The following LMBR1 variants were observed in gnomAD, a reference collection of about 807,000 sequenced individuals.
LMBR1 encodes the protein limb development membrane protein 1.
In LMBR1, 52 loss-of-function variants were observed where a neutral mutation model predicts 73.9. The observed-to-expected ratio is 0.70, with a 90% CI of 0.56 to 0.89. LMBR1 has a LOEUF of 0.89. Among genes scored for constraint, LMBR1 ranks in the 40% least tolerant of loss-of-function variants. The probability of loss-of-function intolerance (pLI) is 0.00; values close to 1 mark genes in which losing one functional copy is unlikely to be tolerated. For missense variants in LMBR1, 539 were observed against 579.8 expected, an observed-to-expected ratio of 0.93 and a Z score of 0.72; for synonymous variants, 215 against 209.4, an observed-to-expected ratio of 1.03 and a Z score of -0.23.
chr7:156,734,920 G>A (rs561879065), intron 9 of LMBR1, among the ~76,000 whole-genome samples: 48 of 152,224 alleles, frequency 3.2e-4, no homozygotes, highest in South Asian at 1.0e-3. Flanking sequence ...TGTTTTACAC[G>A]AATGGGGTCA....
intron 5 of LMBR1, among the ~76,000 whole-genome samples, chr7:156,790,652 G>A (rs1193486445): frequency 6.6e-6 from 1 of 151,674 alleles, no homozygotes; most frequent in Non-Finnish European, 1.5e-5. Flanking sequence ...TTACTTAACA[G>A]TAACAGATAC....
chr7:156,727,221 G>T (rs1174846635), intron 12 of LMBR1, among the ~76,000 whole-genome samples: 1 of 152,156 alleles, frequency 6.6e-6, no homozygotes, highest in Non-Finnish European at 1.5e-5. Context: ...TATCTCAAGA[G>T]AAGCCATGTA....
In LMBR1 at chr7:156,762,140, C is replaced by T. The variant is rs768181095; in HGVS notation, c.678G>A (p.Lys226=). ...MFTVMGQLLV[K]PTILEDLDEQ... is the part of the protein sequence containing the mutation. ...TTTATAATTAAATACTTACTGTTGGCTTCACTAGCAACTGACCCATCACTG... is the reference window on the plus strand; with the variant it reads ...TTTATAATTAAATACTTACTGTTGGTTTCACTAGCAACTGACCCATCACTG... Residue 226 remains lysine, a synonymous_variant, in exon 8 of 17, where the codon AAG becomes AAA. Transcript: ENST00000353442. 3.8e-6 allele frequency: 6 copies of T among 1,592,448 alleles called. No individual in the cohort carries two copies. The East Asian group carries it at 1.3e-4, about 36-fold the overall frequency.
chr7:156,784,214 C>T (rs959815517), intron 5 of LMBR1, among the ~76,000 whole-genome samples: 2 of 152,030 alleles, frequency 1.3e-5, no homozygotes, highest in African/African-American at 2.4e-5. Flanking sequence ...AGTAATACAC[C>T]GAGTTTGGGG....
At chr7:156,846,090 G>A (rs1392142988) in intron 1 of LMBR1, among the ~76,000 whole-genome samples, 1 of 151,970 alleles carries the variant, frequency 6.6e-6, no homozygotes, top group African/African-American at 2.4e-5. Context: ...GCAACCTAGA[G>A]AGACCCCATC....
At chr7:156,676,245 G>GTGTGTA (rs57844131), downstream of LMBR1, 45 of 1,506,420 alleles carry the variant, frequency 3.0e-5, 1 homozygote, top group African/African-American at 4.1e-4. Flanking sequence ...ATATGTGTGT[G>GTGTGTA]TATATATATA....
rs776758846 is a variant in LMBR1 at position 156,796,511 on chromosome 7, GA to G, written c.320-20del. On this transcript the variant is annotated intron_variant, in intron 4 of 16. Coordinates refer to ENST00000353442, the MANE Select transcript of LMBR1 (RefSeq NM_022458.4). The stretch of plus-strand genomic sequence containing the variant: ...CACAAACCTATAAAAAGGGTAACAA[GA>G]AAAGAAGAAAAACAGGTTAGATATT... The G allele has an allele frequency of 2.0e-6, 3 of 1,505,878 alleles. No individual in the cohort carries two copies. 93.3% of individuals were successfully genotyped at this position (1,505,878 alleles called of 1,614,324 possible).
chr7:156,780,300 T>C (rs1482764010), intron 5 of LMBR1, among the ~76,000 whole-genome samples: 3 of 152,158 alleles, frequency 2.0e-5, no homozygotes, highest in African/African-American at 7.2e-5. Context: ...TGGGGTAAGC[T>C]AAAATAAAAA....
intron 15 of LMBR1, among the ~76,000 whole-genome samples, chr7:156,710,054 G>A (rs571638174): frequency 1.3e-5 from 2 of 151,868 alleles, no homozygotes; most frequent in East Asian, 1.9e-4. Context: ...ACAGGCGCCC[G>A]CCACCATGCC....
chr7:156,765,326 T>G (rs1266620304), intron 5 of LMBR1, among the ~76,000 whole-genome samples: 1 of 152,164 alleles, frequency 6.6e-6, no homozygotes, highest in Non-Finnish European at 1.5e-5. Flanking sequence ...TGAGTTCTCA[T>G]GAGATCTGAT....
chr7:156,820,729 G>C (rs535272585), intron 4 of LMBR1, among the ~76,000 whole-genome samples: 1 of 152,184 alleles, frequency 6.6e-6, no homozygotes, highest in Admixed American at 6.5e-5. Context: ...TCTCATTTGC[G>C]TGTGTTGCTC....
At chr7:156,882,300 C>G (rs146457122) in intron 1 of LMBR1, among the ~76,000 whole-genome samples, 1 of 152,192 alleles carries the variant, frequency 6.6e-6, no homozygotes, top group African/African-American at 2.4e-5. Context: ...AAAAAATTAG[C>G]CAGGCATGGC....
intron 15 of LMBR1, among the ~76,000 whole-genome samples, chr7:156,694,606 C>A (rs1433164239): frequency 1.3e-5 from 2 of 152,126 alleles, no homozygotes; most frequent in South Asian, 4.1e-4. Context: ...AAAAATCCAT[C>A]CAAATAGGCA....
At chr7:156,859,692 G>A (rs886470608) in intron 1 of LMBR1, among the ~76,000 whole-genome samples, 2 of 152,096 alleles carry the variant, frequency 1.3e-5, no homozygotes, top group South Asian at 4.2e-4. Flanking sequence ...TTCACAGAAG[G>A]AAGATTTGCT....
chr7:156,724,732 A>T (rs1815331182), intron 14 of LMBR1, among the ~76,000 whole-genome samples: 1 of 151,732 alleles, frequency 6.6e-6, no homozygotes, highest in Admixed American at 6.6e-5. Flanking sequence ...GATACTAAAT[A>T]TCTCAACTAC....
At chr7:156,705,228 G>GA (rs912872350) in intron 15 of LMBR1, among the ~76,000 whole-genome samples, 10 of 151,926 alleles carry the variant, frequency 6.6e-5, no homozygotes, top group Non-Finnish European at 1.2e-4. Context: ...TTATAGGCCA[G>GA]AAAAAAAATG....
Position 156,826,642 on chromosome 7 carries a change from G to C in LMBR1, c.282C>G (p.Asn94Lys). 1 of 1,593,978 alleles carries C rather than the reference G, an allele frequency of 6.3e-7. No individual in the cohort carries two copies. The highest frequency in any genetic ancestry group is 1.7e-4 in the Middle Eastern group (1 of 6,044). Residue 94 changes from asparagine to lysine, a missense_variant, in exon 4 of 17, where the codon AAC becomes AAG. Physicochemically the swap from Asn to Lys is moderately conservative, Grantham distance 94. Coordinates refer to ENST00000353442, the MANE Select transcript of LMBR1 (RefSeq NM_022458.4). ...SNEILLSFPQNYYIQWLNGSL... is the reference protein window; with the variant it reads ...SNEILLSFPQKYYIQWLNGSL... ...AGCCATTTAGCCACTGAATATAGTA[G>C]TTCTGAGGAAAAGAAAGCAGGATTT...
intron 5 of LMBR1, among the ~76,000 whole-genome samples, chr7:156,764,959 C>T (rs1468781000): frequency 6.6e-6 from 1 of 152,190 alleles, no homozygotes; most frequent in Non-Finnish European, 1.5e-5. Context: ...GTTTAAAACA[C>T]TTCCTCAAAT....
intron 1 of LMBR1, among the ~76,000 whole-genome samples, chr7:156,869,286 T>C (rs1412969321): frequency 6.6e-6 from 1 of 151,966 alleles, no homozygotes; most frequent in Admixed American, 6.6e-5. Context: ...AGAATTAGTA[T>C]CTACAAATAT....
Sources: gnomAD v4.1 joint callset for allele counts (sites outside exome capture counted in the v4.1 genomes callset) on GRCh38, gnomAD v4.1.1 for gene constraint, MANE v1.5 for transcripts, NCBI Gene and HGNC (gene_info 2026-07-23, HGNC 2026-07-21) for gene names.